RILPL1: variants seen among roughly 807,000 people sequenced by gnomAD.
The protein encoded by RILPL1 is RILP-like protein 1.
A neutral mutation model predicts 50.3 loss-of-function variants in RILPL1; 33 were observed. The ratio of observed to expected loss-of-function variants is 0.66; its 90% confidence interval spans 0.50 to 0.88. The LOEUF is 0.88. Ranked by LOEUF, RILPL1 falls within the 40% of genes least tolerant of loss-of-function variation. The pLI is 0.00. For synonymous variants in RILPL1, 205 were observed against 228.6 expected (o/e 0.90, Z 0.93); for missense variants, 418 against 542.5 (o/e 0.77, Z 2.28).
intron 6 of RILPL1, chr12:123,472,982 G>A: frequency 3.6e-6 from 1 of 279,222 alleles, no homozygotes; most frequent in African/African-American, 2.1e-5. Flanking sequence ...CGTTACCAGT[G>A]GAAATCAAAA....
At position 123,484,155 on chromosome 12, in the gene RILPL1, C is replaced by A. The variant is rs369998807; in HGVS notation, c.1067+25G>T. On this transcript the variant is annotated intron_variant, in intron 6 of 6. Coordinates refer to ENST00000376874, the MANE Select transcript of RILPL1 (RefSeq NM_178314.5). Reference sequence around the variant, plus strand: ...CGTGAACCGCCAGGTCAGCCGAGCGCAGAAGCTGGCAGCGCATCACTTACA... The same window carrying A: ...CGTGAACCGCCAGGTCAGCCGAGCGAAGAAGCTGGCAGCGCATCACTTACA... 3.3e-6 allele frequency: 5 copies of A among 1,538,140 alleles called. No homozygotes were observed. In the African/African-American group the frequency reaches 6.8e-5, roughly 21 times the overall value.
chr12:123,511,769 TTGTG>T (rs1245413492), intron 2 of RILPL1, among the ~76,000 whole-genome samples: 78 of 73,776 alleles, frequency 1.1e-3, no homozygotes, highest in Non-Finnish European at 2.2e-4. Flanking sequence ...TGTGTGAGGT[TTGTG>T]TGTGTGTGGT....
chr12:123,533,144 C>A lies in RILPL1; in HGVS notation c.309+30G>T. ...CCTTGGGTCCCCGCGGTCCCACTGC[C>A]CGGACGGACAGACCGAGGCCGCCGC... On this transcript the variant is annotated intron_variant, in intron 1 of 6. Coordinates refer to ENST00000376874, the MANE Select transcript of RILPL1 (RefSeq NM_178314.5). This position sits in a 1 kb window ranked among gnomAD's most constrained non-coding sequence, Gnocchi z 6.2. The A allele has an allele frequency of 6.6e-7, 1 of 1,504,334 alleles. No homozygotes were observed. Among genetic ancestry groups the A allele is most frequent in the South Asian group, 1.3e-5 (1 of 79,408 alleles). 93.2% of individuals were successfully genotyped at this position (1,504,334 alleles called of 1,614,324 possible). A position where few individuals can be genotyped will look rare whatever the true frequency, so the allele number is the denominator to read the frequency against.
chr12:123,499,558 G>T, intron 2 of RILPL1, 22 bp from the exon 3 acceptor site: 2 of 1,560,872 alleles, frequency 1.3e-6, no homozygotes, highest in Non-Finnish European at 1.8e-6. Context: ...AGTGAGACCG[G>T]CAGGTGAGCC....
Position 123,507,759 on chromosome 12 carries a change from T to A in RILPL1, c.461-8223A>T, listed in dbSNP as rs974115759. 3.3e-5 allele frequency among the ~76,000 whole-genome samples: 5 copies of A among 151,216 alleles called. No homozygotes were observed. In the East Asian group the frequency reaches 9.9e-4, roughly 30 times the overall value. ...GAGTTCTAGACCAACCTGACCAACA[T>A]GGAGAAACCCCATCTCTACTAAAAA... is the stretch of plus-strand genomic sequence containing the variant. On this transcript the variant is annotated intron_variant, in intron 2 of 6. Transcript: ENST00000376874.
Position 123,498,830 on chromosome 12 carries a change from C to T in RILPL1, c.580-65G>A. ...GCGGTAGCTCAGGTTGTACACTGCACAACGGCAAACCATCCATAGGTGTGC... is the reference window on the plus strand; with the variant it reads ...GCGGTAGCTCAGGTTGTACACTGCATAACGGCAAACCATCCATAGGTGTGC... On this transcript the variant is annotated intron_variant, in intron 3 of 6. Transcript: ENST00000376874. The surrounding 1 kb of genome is among the most constrained non-coding windows in gnomAD (Gnocchi z 4.3). 2.1e-6 allele frequency: 3 copies of T among 1,455,468 alleles called. No homozygotes were observed. In the Admixed American group the frequency reaches 5.0e-5, roughly 24 times the overall value. 90.2% of individuals were successfully genotyped at this position (1,455,468 alleles called of 1,614,324 possible).
intron 1 of RILPL1, among the ~76,000 whole-genome samples, chr12:123,532,115 A>T (rs1365476015): frequency 3.9e-5 from 6 of 152,178 alleles, no homozygotes; most frequent in African/African-American, 1.4e-4. Flanking sequence ...ACAATAAGGG[A>T]TGGCCTGCCC....
At chr12:123,511,505 G>T (rs1199703402) in intron 2 of RILPL1, among the ~76,000 whole-genome samples, 1 of 120,322 alleles carries the variant, frequency 8.3e-6, no homozygotes, top group Non-Finnish European at 1.7e-5. Context: ...GTGTGTATGT[G>T]GTGTGTCTGA....
At chr12:123,507,748 C>A (rs911313860) in intron 2 of RILPL1, among the ~76,000 whole-genome samples, 1 of 151,668 alleles carries the variant, frequency 6.6e-6, no homozygotes, top group Non-Finnish European at 1.5e-5. Flanking sequence ...TCTAGACCAA[C>A]CTGACCAACA....
chr12:123,485,791 T>C lies in RILPL1; in HGVS notation c.816A>G (p.Gly272=). The C allele has an allele frequency of 1.1e-5, 18 of 1,605,604 alleles. No homozygotes were observed. Among genetic ancestry groups the C allele is most frequent in the Non-Finnish European group, 1.5e-5 (18 of 1,176,614 alleles). The change falls in exon 5 of 7, where the codon GGA becomes GGG. Residue 272 remains glycine, a synonymous_variant. Transcript: ENST00000376874. The surrounding 1 kb of genome is among the most constrained non-coding windows in gnomAD (Gnocchi z 4.0). ...GEEEPETEPV[G]EESISDAEKV... ...TCTCTGCGTCGGAGATGCTCTCCTC[T>C]CCCACCGGCTCCGTCTGGAGGAGGC...
intron 1 of RILPL1, among the ~76,000 whole-genome samples, chr12:123,531,013 G>GA (rs35514388): frequency 0.56 from 84,275 of 151,564 alleles, 25,412 homozygotes; most frequent in East Asian, 0.9. Flanking sequence ...TAGGGAAGAA[G>GA]AGGGGAAAGG....
Position 123,472,627 on chromosome 12 carries a change from G to A in RILPL1, c.1123C>T (p.His375Tyr). ...KRLANTQRNV[H>Y]IQESFGQWAN... ...CACTGTCCAAAGGACTCCTGGATGTGCACGTTTCTCTGTGTGTTGGCCAGG... is the reference window on the plus strand; with the variant it reads ...CACTGTCCAAAGGACTCCTGGATGTACACGTTTCTCTGTGTGTTGGCCAGG... The change falls in exon 7 of 7, where the codon CAC becomes TAC. Residue 375 changes from histidine to tyrosine, a missense_variant. Coordinates refer to ENST00000376874, the MANE Select transcript of RILPL1 (RefSeq NM_178314.5). 1 of 1,592,190 alleles carries A rather than the reference G, an allele frequency of 6.3e-7. No homozygotes were observed. Among genetic ancestry groups the A allele is most frequent in the Non-Finnish European group, 8.6e-7 (1 of 1,169,256 alleles).
intron 6 of RILPL1, among the ~76,000 whole-genome samples, chr12:123,478,866 G>A (rs550577217): frequency 2.6e-5 from 4 of 152,364 alleles, no homozygotes; most frequent in African/African-American, 9.6e-5. Context: ...GGACGAGGCT[G>A]AAGTCACTCC....
At chr12:123,487,710 T>C (rs1442773069) in intron 4 of RILPL1, among the ~76,000 whole-genome samples, 2 of 152,248 alleles carry the variant, frequency 1.3e-5, no homozygotes, top group Non-Finnish European at 2.9e-5. Flanking sequence ...TTCCACTCTT[T>C]GGCTAATGTG....
Position 123,511,998 on chromosome 12 carries a change from G to T in RILPL1, c.460+11497C>A, listed in dbSNP as rs183273798. 6.2e-3 allele frequency among the ~76,000 whole-genome samples: 872 copies of T among 141,136 alleles called. 15 individuals carry two copies. The highest frequency in any genetic ancestry group is 0.027 in the Middle Eastern group (6 of 222). 92.6% of individuals were successfully genotyped at this position (141,136 alleles called of 152,430 possible). On this transcript the variant is annotated intron_variant, in intron 2 of 6. Transcript: ENST00000376874. ...TGTGAGGTCTGTGTGTGGTGTGTGA[G>T]ATCTGTATGTGTGAGGTCTGTGTGT...
chr12:123,505,603 C>G (rs1883697042), intron 2 of RILPL1, among the ~76,000 whole-genome samples: 1 of 152,032 alleles, frequency 6.6e-6, no homozygotes. Context: ...CAGGTGTGGG[C>G]CACTGTGCCC....
intron 2 of RILPL1, among the ~76,000 whole-genome samples, chr12:123,504,128 C>T (rs546803168): frequency 1.3e-5 from 2 of 152,260 alleles, no homozygotes; most frequent in Admixed American, 6.5e-5. Context: ...TTCAGCCTTC[C>T]GTAGGTGCTG....
At chr12:123,483,007 T>A (rs961072864) in intron 6 of RILPL1, among the ~76,000 whole-genome samples, 2 of 152,188 alleles carry the variant, frequency 1.3e-5, no homozygotes, top group African/African-American at 4.8e-5. Context: ...TTTCCAAACA[T>A]AACTGGATTT....
rs1881591374 is a variant in RILPL1, at chr12:123,476,416, GGGCAACAA to G, written c.1068-3742_1068-3735del. Among the ~76,000 whole-genome samples, 4 of 149,032 alleles carry G rather than the reference GGGCAACAA, an allele frequency of 2.7e-5. No individual in the cohort carries two copies. In the South Asian group the frequency reaches 8.7e-4, roughly 32 times the overall value. The stretch of plus-strand genomic sequence containing the variant: ...AGATCGCGCCATTGCACTCCAGCCT[GGGCAACAA>G]GAGCAAAACTCCATCTCAAGAAAAA... On this transcript the variant is annotated intron_variant, in intron 6 of 6. Coordinates refer to ENST00000376874, the MANE Select transcript of RILPL1 (RefSeq NM_178314.5).
Sources: allele counts gnomAD v4.1 joint callset (sites outside exome capture counted in the v4.1 genomes callset), GRCh38; gene constraint gnomAD v4.1.1; non-coding constraint Gnocchi (gnomAD v3.1); transcripts MANE v1.5; gene names NCBI Gene and HGNC (gene_info 2026-07-23, HGNC 2026-07-21).